EXOC6B: variants seen among roughly 807,000 people sequenced by gnomAD.
EXOC6B encodes exocyst complex component 6B, also known as SEC15 homolog B.
In EXOC6B, 54 loss-of-function variants were observed where a neutral mutation model predicts 113.5. The observed-to-expected ratio is 0.48, with a 90% CI of 0.38 to 0.60. The LOEUF is 0.60. Among genes scored for constraint, EXOC6B ranks in the 20% least tolerant of loss-of-function variants. The pLI, the probability that EXOC6B is intolerant of heterozygous loss-of-function variation, is 0.00. For missense variants in EXOC6B, 797 were observed against 977.5 expected (o/e 0.82, Z 2.46); for synonymous variants, 357 against 339.0 (o/e 1.05, Z -0.58).
At chr2:72,789,501 C>T (rs953933751) in intron 1 of EXOC6B, among the ~76,000 whole-genome samples, 2 of 152,264 alleles carry the variant, frequency 1.3e-5, no homozygotes, top group South Asian at 4.1e-4. Flanking sequence ...AATAGTCTCC[C>T]ACTTCATTTT....
At chr2:72,234,493 T>C (rs1320194347) in intron 20 of EXOC6B, among the ~76,000 whole-genome samples, 2 of 152,122 alleles carry the variant, frequency 1.3e-5, no homozygotes, top group Non-Finnish European at 2.9e-5. Flanking sequence ...CTTCTGGACA[T>C]AGGCCCCCGG....
intron 6 of EXOC6B, among the ~76,000 whole-genome samples, chr2:72,656,320 A>T (rs1451466767): frequency 1.3e-5 from 2 of 152,142 alleles, no homozygotes; most frequent in African/African-American, 4.8e-5. Context: ...ATCTTTTGTG[A>T]AAACATATAT....
chr2:72,449,808 G>A (rs1696806683), intron 18 of EXOC6B, among the ~76,000 whole-genome samples: 1 of 152,148 alleles, frequency 6.6e-6, no homozygotes, highest in Admixed American at 6.5e-5. Flanking sequence ...CAGAAGCACA[G>A]GAATCTCTGG....
At chr2:72,752,213 A>T (rs1367644411) in intron 1 of EXOC6B, among the ~76,000 whole-genome samples, 3 of 152,196 alleles carry the variant, frequency 2.0e-5, no homozygotes, top group Non-Finnish European at 4.4e-5. Context: ...CTTATTAGGC[A>T]CAAAATATTC....
intron 6 of EXOC6B, among the ~76,000 whole-genome samples, chr2:72,579,419 T>C (rs1356077543): frequency 6.6e-6 from 1 of 152,160 alleles, no homozygotes; most frequent in Non-Finnish European, 1.5e-5. Context: ...GGCATACACA[T>C]AGTAAATTTA....
Position 72,793,796 on chromosome 2 carries a change from T to C in EXOC6B, c.113+32002A>G, listed in dbSNP as rs148405178. ...AGCTCCTTTTGCCTCTGAAGAGGTA[T>C]AGACTTGAAATAGAAGAGGGTATCT... On this transcript the variant is annotated intron_variant, in intron 1 of 21. Transcript: ENST00000272427. 3.6e-3 allele frequency among the ~76,000 whole-genome samples: 547 copies of C among 152,272 alleles called. 2 individuals carry two copies. Among genetic ancestry groups the C allele is most frequent in the African/African-American group, 0.012 (515 of 41,558 alleles).
At chr2:72,635,536 C>T (rs574082253) in intron 6 of EXOC6B, among the ~76,000 whole-genome samples, 1 of 152,172 alleles carries the variant, frequency 6.6e-6, no homozygotes, top group African/African-American at 2.4e-5. Flanking sequence ...TTGAATAGTC[C>T]TATAACTGGG....
chr2:72,741,119 G>T, intron 2 of EXOC6B, among the ~76,000 whole-genome samples, 185 bp downstream of exon 2: 1 of 151,790 alleles, frequency 6.6e-6, no homozygotes, highest in Non-Finnish European at 1.5e-5. Flanking sequence ...AAAAAGGGGG[G>T]GTGGGTATTG....
chr2:72,224,994 G>GTGTATATATATATATATATATATATA lies in EXOC6B; in HGVS notation c.2197-40808_2197-40807insTATATATATATATATATATATATACA, dbSNP rs908047817. ...CATCTCTCTCTGTATGTGTGTGTGTGTATATATATATAAATACACATACTT... is the reference window on the plus strand; with the variant it reads ...CATCTCTCTCTGTATGTGTGTGTGTGTGTATATATATATATATATATATATATATATATATATAAATACACATACTT... On this transcript the variant is annotated intron_variant, in intron 20 of 21. Coordinates refer to ENST00000272427, the MANE Select transcript of EXOC6B (RefSeq NM_015189.3). 3.2e-3 allele frequency among the ~76,000 whole-genome samples: 443 copies of GTGTATATATATATATATATATATATA among 137,174 alleles called. 12 individuals carry two copies. The highest frequency in any genetic ancestry group is 0.019 in the Admixed American group (251 of 13,340). The allele number at this position is 137,174 out of a possible 152,430, so 90.0% of individuals were successfully genotyped here.
At chr2:72,797,606 G>A (rs558677056) in intron 1 of EXOC6B, among the ~76,000 whole-genome samples, 1 of 152,220 alleles carries the variant, frequency 6.6e-6, no homozygotes, top group East Asian at 1.9e-4. Flanking sequence ...TTGAGGTTGG[G>A]CGCTTGAGAC....
At chr2:72,663,666 T>C (rs1675179330) in intron 6 of EXOC6B, among the ~76,000 whole-genome samples, 1 of 151,538 alleles carries the variant, frequency 6.6e-6, no homozygotes, top group Admixed American at 6.6e-5. Flanking sequence ...ATGGAGATAG[T>C]AAAAAGATTA....
chr2:72,739,121 A>C (rs534271345), intron 2 of EXOC6B, among the ~76,000 whole-genome samples: 1 of 152,322 alleles, frequency 6.6e-6, no homozygotes, highest in East Asian at 1.9e-4. Context: ...TTATTATTTC[A>C]AATAGATGCA....
In EXOC6B at chr2:72,434,309, T is replaced by G. The variant is rs550274447; in HGVS notation, c.1980+30851A>C. On this transcript the variant is annotated intron_variant, in intron 18 of 21. Transcript: ENST00000272427. ...TGGGCTGCTGGATTTGGTTTGCCAGTATTTTATTGAGGATTTTTTGCATCG... is the reference window on the plus strand; with the variant it reads ...TGGGCTGCTGGATTTGGTTTGCCAGGATTTTATTGAGGATTTTTTGCATCG... 3.3e-5 allele frequency among the ~76,000 whole-genome samples: 5 copies of G among 152,338 alleles called. No individual in the cohort carries two copies. The South Asian group carries it at 1.0e-3, about 32-fold the overall frequency.
At position 72,273,132 on chromosome 2, in the gene EXOC6B, T is replaced by C. The variant is rs76524899; in HGVS notation, c.2196+61815A>G. Among the ~76,000 whole-genome samples the C allele has an allele frequency of 2.5e-3, 386 of 152,214 alleles. 1 individual carries two copies. Among genetic ancestry groups the C allele is most frequent in the African/African-American group, 8.8e-3 (367 of 41,546 alleles). ...CAAATCAAGGTATCCATGGTCAAGA[T>C]ACATTTCAAGGTATTGAACTCCCTG... is the stretch of plus-strand genomic sequence containing the variant. On this transcript the variant is annotated intron_variant, in intron 20 of 21. Coordinates refer to ENST00000272427, the MANE Select transcript of EXOC6B (RefSeq NM_015189.3).
At chr2:72,360,280 G>T (rs1001124500) in intron 19 of EXOC6B, among the ~76,000 whole-genome samples, 2 of 151,486 alleles carry the variant, frequency 1.3e-5, no homozygotes, top group African/African-American at 4.9e-5. Flanking sequence ...TAGAGACAGG[G>T]TCTCATCATG....
chr2:72,768,760 T>C (rs1369858138), intron 1 of EXOC6B, among the ~76,000 whole-genome samples: 1 of 152,170 alleles, frequency 6.6e-6, no homozygotes, highest in Non-Finnish European at 1.5e-5. Context: ...TAAAAACTTA[T>C]GAAAGATATC....
At chr2:72,186,016 A>G (rs767398290) in intron 20 of EXOC6B, among the ~76,000 whole-genome samples, 1 of 151,652 alleles carries the variant, frequency 6.6e-6, no homozygotes, top group Non-Finnish European at 1.5e-5. Context: ...CTTGCGATAG[A>G]TAGTTTGCTG....
intron 1 of EXOC6B, among the ~76,000 whole-genome samples, chr2:72,763,227 TC>T (rs1353131660): frequency 1.3e-5 from 2 of 152,108 alleles, no homozygotes; most frequent in Non-Finnish European, 2.9e-5. Flanking sequence ...ATAAATTATC[TC>T]CTCTTATCCT....
intron 20 of EXOC6B, among the ~76,000 whole-genome samples, chr2:72,208,974 A>G (rs1352049373): frequency 6.6e-6 from 1 of 152,180 alleles, no homozygotes; most frequent in African/African-American, 2.4e-5. Context: ...CTGTAATCCC[A>G]GCACTTTGGG....
Sources: allele counts gnomAD v4.1 joint callset (sites outside exome capture counted in the v4.1 genomes callset), GRCh38; gene constraint gnomAD v4.1.1; transcripts MANE v1.5; gene names NCBI Gene and HGNC (gene_info 2026-07-23, HGNC 2026-07-21).